The following SEMA5A variants were observed in gnomAD, a reference collection of about 807,000 sequenced individuals.
The protein encoded by SEMA5A is semaphorin-5A.
Under a neutral mutation model 135.5 loss-of-function variants are expected in SEMA5A, and 55 were observed. The ratio of observed to expected loss-of-function variants is 0.41; its 90% CI spans 0.33 to 0.51. The LOEUF is 0.51. Ranked by LOEUF, SEMA5A falls within the 20% of genes least tolerant of loss-of-function variation. The probability of loss-of-function intolerance (pLI) is 0.37; values close to 1 mark genes in which losing one functional copy is unlikely to be tolerated. For missense variants in SEMA5A, 1,290 were observed against 1,419.9 expected (o/e 0.91, Z 1.47); for synonymous variants, 580 against 546.5 (o/e 1.06, Z -0.85).
intron 2 of SEMA5A, among the ~76,000 whole-genome samples, chr5:9,388,831 G>A (rs772513722): frequency 2.1e-4 from 32 of 151,636 alleles, no homozygotes; most frequent in African/African-American, 4.4e-4. Context: ...CCTGGGAGGC[G>A]GAGCTTGCAG....
chr5:9,259,781 G>A (rs1749302029), intron 5 of SEMA5A, among the ~76,000 whole-genome samples: 2 of 90,564 alleles, frequency 2.2e-5, no homozygotes, highest in Non-Finnish European at 4.3e-5. Flanking sequence ...ATGCCTACAA[G>A]AGAAAGCAGG....
intron 9 of SEMA5A, among the ~76,000 whole-genome samples, chr5:9,197,785 T>TGTGTGTGTGTGTGTGTGTGTATGTG (rs1561011433): frequency 8.5e-6 from 1 of 117,864 alleles, no homozygotes; most frequent in Admixed American, 9.6e-5. Flanking sequence ...TGTGTGTGTG[T>TGTGTGTGTGTGTGTGTGTGTATGTG]TTTAACCCAG....
chr5:9,123,332 G>C (rs2150187712), intron 13 of SEMA5A, among the ~76,000 whole-genome samples: 1 of 146,964 alleles, frequency 6.8e-6, no homozygotes, highest in East Asian at 2.0e-4. Context: ...AAGCAGCAGA[G>C]GTGATTGCTG....
intron 13 of SEMA5A, among the ~76,000 whole-genome samples, chr5:9,131,581 C>A (rs1456033805): frequency 8.4e-6 from 1 of 118,640 alleles, no homozygotes; most frequent in African/African-American, 3.3e-5. Context: ...GCACTCCAGC[C>A]TGGGCGACAG....
chr5:9,388,476 A>G (rs1224159007), intron 2 of SEMA5A, among the ~76,000 whole-genome samples: 1 of 151,960 alleles, frequency 6.6e-6, no homozygotes, highest in Non-Finnish European at 1.5e-5. Flanking sequence ...TAAGAAAAAA[A>G]AAAAAAAGAA....
intron 1 of SEMA5A, among the ~76,000 whole-genome samples, chr5:9,461,712 C>T (rs1438324410): frequency 6.6e-6 from 1 of 152,134 alleles, no homozygotes; most frequent in Non-Finnish European, 1.5e-5. Flanking sequence ...TACTTCACTG[C>T]ACAATCATAT....
At chr5:9,077,544 C>T (rs532162625) in intron 16 of SEMA5A, among the ~76,000 whole-genome samples, 1 of 152,334 alleles carries the variant, frequency 6.6e-6, no homozygotes, top group Non-Finnish European at 1.5e-5. Flanking sequence ...TATGCAGTAA[C>T]TGAATTTCTG....
At chr5:9,253,230 C>T (rs1236631938) in intron 5 of SEMA5A, among the ~76,000 whole-genome samples, 2 of 152,176 alleles carry the variant, frequency 1.3e-5, no homozygotes, top group African/African-American at 4.8e-5. Flanking sequence ...GCTTCAAGCT[C>T]TTATTAGGCT....
In SEMA5A at chr5:9,073,317, A is replaced by G. The variant is rs546270264; in HGVS notation, c.2074-6671T>C. Among the ~76,000 whole-genome samples the G allele has an allele frequency of 6.6e-5, 10 of 152,330 alleles. No homozygotes were observed. The East Asian group carries it at 1.5e-3, about 24-fold the overall frequency. Reference sequence around the variant, plus strand: ...AGACTGGGTTATCATTTGAAATTCAATTAACGTAATTCATCATATGAACTG... The same window carrying G: ...AGACTGGGTTATCATTTGAAATTCAGTTAACGTAATTCATCATATGAACTG... On this transcript the variant is annotated intron_variant, in intron 16 of 22. Coordinates refer to ENST00000382496, the MANE Select transcript of SEMA5A (RefSeq NM_003966.3).
intron 1 of SEMA5A, among the ~76,000 whole-genome samples, chr5:9,471,387 G>T (rs1052051224): frequency 6.6e-6 from 1 of 152,100 alleles, no homozygotes; most frequent in Non-Finnish European, 1.5e-5. Flanking sequence ...CCTTCCAGAG[G>T]TTTCTGTATT....
chr5:9,312,449 T>C (rs1752185476), intron 5 of SEMA5A, among the ~76,000 whole-genome samples: 1 of 152,134 alleles, frequency 6.6e-6, no homozygotes, highest in Non-Finnish European at 1.5e-5. Flanking sequence ...ATAAACAGGT[T>C]TTATTTTCTT....
intron 2 of SEMA5A, among the ~76,000 whole-genome samples, chr5:9,390,026 C>A (rs1756082095): frequency 6.6e-6 from 1 of 152,192 alleles, no homozygotes; most frequent in Non-Finnish European, 1.5e-5. Flanking sequence ...CTCTACCTTA[C>A]CTCTGTACCT....
At chr5:9,093,102 A>G (rs878979519) in intron 16 of SEMA5A, among the ~76,000 whole-genome samples, 1 of 152,152 alleles carries the variant, frequency 6.6e-6, no homozygotes, top group South Asian at 2.1e-4. Flanking sequence ...GAGTTTTTTA[A>G]GATTAGGAGT....
intron 4 of SEMA5A, among the ~76,000 whole-genome samples, chr5:9,325,208 T>A (rs1442200646): frequency 1.3e-5 from 2 of 151,846 alleles, no homozygotes; most frequent in African/African-American, 4.9e-5. Context: ...AATAAAAACA[T>A]GAGTTTTTTC....
chr5:9,473,881 C>A (rs1224904837), intron 1 of SEMA5A, among the ~76,000 whole-genome samples: 1 of 151,988 alleles, frequency 6.6e-6, no homozygotes, highest in Non-Finnish European at 1.5e-5. Context: ...GCACAGCAGT[C>A]CAAATGCTGA....
At chr5:9,190,595 C>A in intron 10 of SEMA5A, 124 bp from the exon 11 acceptor site, 1 of 789,906 alleles carries the variant, frequency 1.3e-6, no homozygotes, top group East Asian at 2.7e-5. Context: ...TTGAAGTATG[C>A]AAACATGTCT....
At chr5:9,477,039 G>T (rs953389464) in intron 1 of SEMA5A, among the ~76,000 whole-genome samples, 2 of 152,104 alleles carry the variant, frequency 1.3e-5, no homozygotes, top group African/African-American at 2.4e-5. Flanking sequence ...GGAGATGATT[G>T]GATCCTGGGA....
chr5:9,177,381 A>G (rs1283952430), intron 11 of SEMA5A, among the ~76,000 whole-genome samples: 1 of 152,194 alleles, frequency 6.6e-6, no homozygotes, highest in East Asian at 1.9e-4. Context: ...GTATAAAGAC[A>G]CAACTGTGGG....
intron 16 of SEMA5A, among the ~76,000 whole-genome samples, chr5:9,089,147 C>T (rs1738893781): frequency 6.6e-6 from 1 of 152,232 alleles, no homozygotes; most frequent in South Asian, 2.1e-4. Context: ...TTATTTTTGG[C>T]CAAGCACTGG....
Sources: gnomAD v4.1 joint callset for allele counts (sites outside exome capture counted in the v4.1 genomes callset) on GRCh38, gnomAD v4.1.1 for gene constraint, MANE v1.5 for transcripts, NCBI Gene and HGNC (gene_info 2026-07-23, HGNC 2026-07-21) for gene names.